TAS1R1: variants seen among roughly 807,000 people sequenced by gnomAD.
TAS1R1 encodes the protein taste 1 receptor member 1, also known as taste receptor type 1 member 1.
Under a neutral mutation model 45.8 loss-of-function variants are expected in TAS1R1, and 31 were observed. The ratio of observed to expected loss-of-function variants is 0.68; its 90% confidence interval spans 0.51 to 0.91. The LOEUF (loss-of-function observed/expected upper bound fraction) is 0.91. Ranked by LOEUF, TAS1R1 falls within the 40% of genes least tolerant of loss-of-function variation. The probability of loss-of-function intolerance (pLI) is 0.00; values close to 1 mark genes in which losing one functional copy is unlikely to be tolerated. For synonymous variants in TAS1R1, 437 were observed against 448.4 expected (o/e 0.97, Z 0.32); for missense variants, 1,051 against 1,063.9 (o/e 0.99, Z 0.17).
At position 6,576,958 on chromosome 1, in the gene TAS1R1, G is replaced by C. The variant is rs1328499710; in HGVS notation, c.1482G>C (p.Lys494Asn). ...CCTCTGGCTTCTTACAGGTGCCTAA[G>C]TCTGTGTGTTCCAGCGACTGTCTTG... ...QWHGKDNQVPKSVCSSDCLEG... is the reference protein window; with the variant it reads ...QWHGKDNQVPNSVCSSDCLEG... The change falls in exon 5 of 6, where the codon AAG becomes AAC. Residue 494 changes from lysine to asparagine, a missense_variant. Coordinates refer to ENST00000333172, the MANE Select transcript of TAS1R1 (RefSeq NM_138697.4). The C allele has an allele frequency of 2.5e-6, 4 of 1,614,152 alleles. No homozygotes were observed. The highest frequency in any genetic ancestry group is 3.4e-6 in the Non-Finnish European group (4 of 1,180,050).
intron 1 of TAS1R1, among the ~76,000 whole-genome samples, chr1:6,570,016 AGGGAGG>A (rs760873174): frequency 0.027 from 1,009 of 38,020 alleles, 9 homozygotes; most frequent in Non-Finnish European, 0.037. Flanking sequence ...AGAGGGAGGG[AGGGAGG>A]GGGAGAGAGA....
intron 1 of TAS1R1, among the ~76,000 whole-genome samples, chr1:6,557,906 G>C (rs1639713283): frequency 2.0e-5 from 3 of 152,184 alleles, no homozygotes; most frequent in African/African-American, 7.2e-5. Flanking sequence ...CCTGTCCCTG[G>C]CTCATTCCTG....
chr1:6,556,693 C>T (rs1302969324), intron 1 of TAS1R1, among the ~76,000 whole-genome samples: 5 of 151,930 alleles, frequency 3.3e-5, no homozygotes, highest in South Asian at 2.1e-4. Context: ...TGAGCCACCG[C>T]GCCCGGCCTG....
At chr1:6,563,863 G>A (rs1025565975) in intron 1 of TAS1R1, among the ~76,000 whole-genome samples, 1 of 152,170 alleles carries the variant, frequency 6.6e-6, no homozygotes, top group Non-Finnish European at 1.5e-5. Flanking sequence ...AAAGAGAGTC[G>A]AGAGTGGGAA....
intron 1 of TAS1R1, among the ~76,000 whole-genome samples, chr1:6,567,467 G>A (rs1167910186): frequency 6.6e-6 from 1 of 152,032 alleles, no homozygotes; most frequent in African/African-American, 2.4e-5. Context: ...GGCTGAGGCA[G>A]GAGAATGGTG....
chr1:6,575,340 T>C lies in TAS1R1; in HGVS notation c.1208T>C (p.Leu403Pro). The change falls in exon 3 of 6, where the codon CTC becomes CCC. Residue 403 changes from leucine (L) to proline (P), a missense_variant. Coordinates refer to ENST00000333172, the MANE Select transcript of TAS1R1 (RefSeq NM_138697.4). ...GCGGTGGCCCATGGCCTCCACCAGC[T>C]CCTGGGCTGTGCCTCTGGAGCTTGT... is the stretch of plus-strand genomic sequence containing the variant. ...VYAVAHGLHQ[L>P]LGCASGACSR... 1 of 1,606,286 alleles carries C rather than the reference T, an allele frequency of 6.2e-7. No individual in the cohort carries two copies. Among genetic ancestry groups the C allele is most frequent in the Non-Finnish European group, 8.5e-7 (1 of 1,176,962 alleles).
chr1:6,558,381 T>C (rs1373994370), intron 1 of TAS1R1, among the ~76,000 whole-genome samples: 1 of 152,078 alleles, frequency 6.6e-6, no homozygotes, highest in Non-Finnish European at 1.5e-5. Context: ...CCTAGAGTTG[T>C]GTAGTCAAAC....
At position 6,574,663 on chromosome 1, in the gene TAS1R1, C is replaced by T. The variant is rs562303439; in HGVS notation, c.531C>T (p.Ser177=). ...ATGCGGCCAGCAGCGAGACGCTCAG[C>T]GTGAAGCGGCAGTATCCCTCTTTCC... The part of the protein sequence containing the change: ...ISYAASSETL[S]VKRQYPSFLR... The change falls in exon 3 of 6, where the codon AGC becomes AGT. Residue 177 remains serine (S), a synonymous_variant. Coordinates refer to ENST00000333172, the MANE Select transcript of TAS1R1 (RefSeq NM_138697.4). The surrounding 1 kb of genome is among the most constrained non-coding windows in gnomAD (Gnocchi z 4.3). 38 of 1,611,912 alleles carry T rather than the reference C, an allele frequency of 2.4e-5. No individual in the cohort carries two copies. The highest frequency in any genetic ancestry group is 2.3e-4 in the Admixed American group (14 of 59,952).
chr1:6,573,520 C>G (rs1037872381), intron 2 of TAS1R1, among the ~76,000 whole-genome samples: 4 of 152,226 alleles, frequency 2.6e-5, no homozygotes, highest in Admixed American at 2.6e-4. Context: ...TTAGGGACTC[C>G]CTGTGGCTTA....
Position 6,578,832 on chromosome 1 carries a change from C to A in TAS1R1, c.1774C>A (p.Leu592Ile). The A allele has an allele frequency of 6.2e-7, 1 of 1,612,896 alleles. No individual in the cohort carries two copies. The highest frequency in any genetic ancestry group is 8.5e-7 in the Non-Finnish European group (1 of 1,179,346). The change falls in exon 6 of 6, where the codon CTA becomes ATA. Residue 592 changes from leucine (L) to isoleucine (I), a missense_variant. Coordinates refer to ENST00000333172, the MANE Select transcript of TAS1R1 (RefSeq NM_138697.4). ...LGTAGLFAWHLDTPVVRSAGG... is the reference protein window; with the variant it reads ...LGTAGLFAWHIDTPVVRSAGG... The stretch of plus-strand genomic sequence containing the variant: ...GACTGCTGGCCTGTTTGCCTGGCAC[C>A]TAGACACCCCTGTGGTGAGGTCAGC...
At chr1:6,560,414 G>T (rs1352453268) in intron 1 of TAS1R1, among the ~76,000 whole-genome samples, 1 of 152,210 alleles carries the variant, frequency 6.6e-6, no homozygotes, top group Non-Finnish European at 1.5e-5. Context: ...CAGACTAGGG[G>T]GTATAAGTGT....
intron 1 of TAS1R1, among the ~76,000 whole-genome samples, chr1:6,570,408 G>A (rs900120843): frequency 1.3e-5 from 2 of 151,268 alleles, no homozygotes; most frequent in East Asian, 1.9e-4. Context: ...CTGCCTTGGC[G>A]GAGGGCCTTT....
At chr1:6,555,635 C>T (rs925744) in intron 1 of TAS1R1, 71 bp downstream of exon 1, 1,209,629 of 1,424,796 alleles carry the variant, frequency 0.85, 517,306 homozygotes, top group Admixed American at 0.88. Flanking sequence ...CTGCCATCCT[C>T]CAAACAGGAC....
At chr1:6,566,505 G>A (rs887737769) in intron 1 of TAS1R1, among the ~76,000 whole-genome samples, 15 of 152,124 alleles carry the variant, frequency 9.9e-5, no homozygotes, top group African/African-American at 3.6e-4. Flanking sequence ...AGAGTGTGTT[G>A]GTCAAAGAAG....
Position 6,579,056 on chromosome 1 carries a change from A to T in TAS1R1, c.1998A>T (p.Val666=). 3.1e-6 allele frequency: 5 copies of T among 1,613,258 alleles called. No individual in the cohort carries two copies. Among genetic ancestry groups the T allele is most frequent in the Non-Finnish European group, 4.2e-6 (5 of 1,179,336 alleles). The change falls in exon 6 of 6, where the codon GTA becomes GTT. Residue 666 remains valine (V), a synonymous_variant. Transcript: ENST00000333172. ...LIIIFKFSTK[V]PTFYHAWVQN... ...TCATCTTCAAGTTTTCCACCAAGGT[A>T]CCTACATTCTACCACGCCTGGGTCC...
chr1:6,576,719 G>T, intron 4 of TAS1R1, 92 bp downstream of exon 4: 5 of 1,481,074 alleles, frequency 3.4e-6, no homozygotes, highest in Admixed American at 1.9e-5. Flanking sequence ...GGAGCAGGAG[G>T]GGGGCCCCAG....
chr1:6,559,510 T>A (rs183704409), intron 1 of TAS1R1, among the ~76,000 whole-genome samples: 2,677 of 150,370 alleles, frequency 0.018, 77 homozygotes, highest in African/African-American at 0.062. Context: ...TACAAAAAAA[T>A]TAGCTGGGCG....
At chr1:6,556,483 C>T (rs1021619297) in intron 1 of TAS1R1, among the ~76,000 whole-genome samples, 1 of 152,006 alleles carries the variant, frequency 6.6e-6, no homozygotes, top group Non-Finnish European at 1.5e-5. Context: ...TCACTGCAAC[C>T]TCCTCCTCCT....
chr1:6,555,713 G>T lies in TAS1R1; in HGVS notation c.191+149G>T, dbSNP rs920830022. 3 of 716,490 alleles carry T rather than the reference G, an allele frequency of 4.2e-6. No individual in the cohort carries two copies. In the African/African-American group the frequency reaches 5.4e-5, roughly 13 times the overall value. The allele number at this position is 716,490 out of a possible 1,614,324, so 44.4% of individuals were successfully genotyped here. The stretch of plus-strand genomic sequence containing the variant: ...TCATCAATCCACTTGCCACCTAAGT[G>T]CTGGCTAGACCTTCCTAGACACTTC... On this transcript the variant is annotated intron_variant, in intron 1 of 5. Transcript: ENST00000333172.
Sources: gnomAD v4.1 joint callset for allele counts (sites outside exome capture counted in the v4.1 genomes callset) on GRCh38, gnomAD v4.1.1 for gene constraint, Gnocchi (gnomAD v3.1) non-coding constraint, MANE v1.5 for transcripts, NCBI Gene and HGNC (gene_info 2026-07-23, HGNC 2026-07-21) for gene names.